Variants in GUCY2C observed in about 807,000 individuals in gnomAD.
GUCY2C encodes guanylate cyclase 2C.
In GUCY2C, 118 loss-of-function variants were observed where a neutral mutation model predicts 131.1. That is an observed-to-expected ratio of 0.90 (90% CI 0.78 to 1.05). The LOEUF (loss-of-function observed/expected upper bound fraction) is 1.05. Ranked by LOEUF, GUCY2C falls within the 50% of genes least tolerant of loss-of-function variation. GUCY2C has a pLI of 0.00. For missense variants in GUCY2C, 1,161 were observed against 1,304.4 expected, an observed-to-expected ratio of 0.89 and a Z score of 1.69; for synonymous variants, 452 against 457.8, an observed-to-expected ratio of 0.99 and a Z score of 0.16.
chr12:14,661,041 G>A lies in GUCY2C; in HGVS notation c.1304C>T (p.Ala435Val). Reference sequence around the variant, plus strand: ...CACAGCTCCAGTGAGGGTGAAGACTGCAATCATCAGGATCTGAGGGCCTGT... The same window carrying A: ...CACAGCTCCAGTGAGGGTGAAGACTACAATCATCAGGATCTGAGGGCCTGT... Reference protein sequence around the residue: ...TGRGPQILMIAVFTLTGAVVL... With the variant: ...TGRGPQILMIVVFTLTGAVVL... The change falls in exon 11 of 27, where the codon GCA (alanine) becomes GTA (valine). Residue 435 changes from alanine (A) to valine (V), a missense_variant. Ala to Val is a moderately conservative substitution (Grantham distance 64). Coordinates refer to ENST00000261170, the MANE Select transcript of GUCY2C (RefSeq NM_004963.4). The A allele has an allele frequency of 6.2e-7, 1 of 1,612,098 alleles. No individual in the cohort carries two copies. Among genetic ancestry groups the A allele is most frequent in the Non-Finnish European group, 8.5e-7 (1 of 1,178,170 alleles).
At chr12:14,629,272 A>T (rs1448587659) in intron 19 of GUCY2C, among the ~76,000 whole-genome samples, 3 of 152,108 alleles carry the variant, frequency 2.0e-5, no homozygotes, top group Non-Finnish European at 4.4e-5. Flanking sequence ...GGGGGTCTGA[A>T]GAAACTCCCC....
At chr12:14,663,067 C>T (rs929889896) in intron 10 of GUCY2C, among the ~76,000 whole-genome samples, 1 of 152,006 alleles carries the variant, frequency 6.6e-6, no homozygotes, top group African/African-American at 2.4e-5. Context: ...AGAGGGCTAG[C>T]GAAGATGAGC....
chr12:14,641,035 A>T, intron 18 of GUCY2C, 47 bp downstream of exon 18: 1 of 1,585,234 alleles, frequency 6.3e-7, no homozygotes, highest in Non-Finnish European at 8.6e-7. Context: ...CCTAGAAAGC[A>T]GGTTGGCTCA....
intron 1 of GUCY2C, among the ~76,000 whole-genome samples, chr12:14,692,510 C>G (rs953491951): frequency 1.3e-5 from 2 of 152,156 alleles, no homozygotes; most frequent in Non-Finnish European, 2.9e-5. Flanking sequence ...TATGTAGCCA[C>G]ATAAACATAA....
chr12:14,627,115 T>C (rs1169716158), intron 20 of GUCY2C, among the ~76,000 whole-genome samples: 3 of 152,122 alleles, frequency 2.0e-5, no homozygotes, highest in Non-Finnish European at 4.4e-5. Context: ...AGGAGACACA[T>C]TGAGTTCTCC....
chr12:14,664,279 C>G (rs1947925334), intron 10 of GUCY2C, among the ~76,000 whole-genome samples: 1 of 152,128 alleles, frequency 6.6e-6, no homozygotes, highest in Non-Finnish European at 1.5e-5. Flanking sequence ...TATTGCCACT[C>G]CCACCATTCT....
chr12:14,660,667 C>A (rs1199456064), intron 11 of GUCY2C, among the ~76,000 whole-genome samples: 1 of 152,154 alleles, frequency 6.6e-6, no homozygotes, highest in Admixed American at 6.5e-5. Flanking sequence ...CTAATCCTTA[C>A]AACAGCTCAG....
At chr12:14,643,443 T>G in intron 17 of GUCY2C, 131 bp downstream of exon 17, 16 of 726,398 alleles carry the variant, frequency 2.2e-5, no homozygotes, top group Non-Finnish European at 3.5e-5. Flanking sequence ...TTCTGGAGAA[T>G]GAGCCAGCTG....
At chr12:14,680,167 G>T (rs1274201434) in intron 5 of GUCY2C, among the ~76,000 whole-genome samples, 7 of 152,102 alleles carry the variant, frequency 4.6e-5, no homozygotes, top group Non-Finnish European at 5.9e-5. Flanking sequence ...GGTTGAAAAA[G>T]ATATTATAAA....
intron 19 of GUCY2C, among the ~76,000 whole-genome samples, chr12:14,635,458 A>G (rs1037815518): frequency 1.3e-5 from 2 of 152,214 alleles, no homozygotes; most frequent in African/African-American, 4.8e-5. Context: ...ATACAGCGAA[A>G]GTACTGCTAA....
At chr12:14,659,282 A>T (rs754359107) in intron 11 of GUCY2C, among the ~76,000 whole-genome samples, 46 of 152,052 alleles carry the variant, frequency 3.0e-4, no homozygotes, top group Non-Finnish European at 7.4e-5. Context: ...TGACCTCATG[A>T]TTCAGCCACC....
intron 26 of GUCY2C, 157 bp downstream of exon 26, chr12:14,614,710 T>G: frequency 1.7e-6 from 1 of 575,302 alleles, no homozygotes; most frequent in Non-Finnish European, 3.0e-6. Flanking sequence ...CTTCTTGCAG[T>G]CTAGGAAGGG....
chr12:14,691,111 A>C (rs545709191), intron 1 of GUCY2C, among the ~76,000 whole-genome samples: 23 of 152,360 alleles, frequency 1.5e-4, no homozygotes, highest in South Asian at 1.2e-3. Flanking sequence ...GTTCTTTCAA[A>C]GAATGGAGGA....
intron 17 of GUCY2C, among the ~76,000 whole-genome samples, chr12:14,642,062 A>T (rs1947416959): frequency 6.6e-6 from 1 of 152,218 alleles, no homozygotes; most frequent in African/African-American, 2.4e-5. Flanking sequence ...ACAGTACATT[A>T]AGACAAAGAG....
intron 2 of GUCY2C, among the ~76,000 whole-genome samples, chr12:14,686,599 G>T (rs1399865348): frequency 1.3e-5 from 2 of 152,138 alleles, no homozygotes; most frequent in Non-Finnish European, 2.9e-5. Context: ...GAGAGGGCAA[G>T]TTTCAGTTGT....
intron 11 of GUCY2C, 21 bp from the exon 12 acceptor site, chr12:14,656,638 G>T: frequency 8.5e-7 from 1 of 1,179,810 alleles, no homozygotes; most frequent in Non-Finnish European, 1.3e-6. Flanking sequence ...AATAAAACTG[G>T]TCAATAGGTT....
chr12:14,694,695 T>C (rs1422034033), intron 1 of GUCY2C, among the ~76,000 whole-genome samples: 1 of 152,204 alleles, frequency 6.6e-6, no homozygotes, highest in Non-Finnish European at 1.5e-5. Context: ...GTTTCAGAAT[T>C]GGAGAGATGT....
chr12:14,676,975 T>G lies in GUCY2C; in HGVS notation c.831-4A>C, dbSNP rs147841620. 2.0e-5 allele frequency: 23 copies of G among 1,133,744 alleles called. No individual in the cohort carries two copies. In the East Asian group the frequency reaches 5.4e-4, roughly 27 times the overall value. The allele number at this position is 1,133,744 out of a possible 1,614,324, so 70.2% of individuals were successfully genotyped here. A position where few individuals can be genotyped will look rare whatever the true frequency, so the allele number is the denominator to read the frequency against. ...ATTGTCCTCAAAGTACTGGTCACTG[T>G]AATAAAAAGCACAGGTTCCTCATGA... On this transcript the variant is annotated splice_region_variant and splice_polypyrimidine_tract_variant and intron_variant, in intron 6 of 26. Transcript: ENST00000261170.
In GUCY2C at chr12:14,686,215, C is replaced by A; in HGVS notation, c.341G>T (p.Arg114Leu). Residue 114 changes from arginine to leucine, a missense_variant, in exon 3 of 27, where the codon CGG becomes CTG. Coordinates refer to ENST00000261170, the MANE Select transcript of GUCY2C (RefSeq NM_004963.4). ...DLLRKISNAQ[R>L]MGCVLIGPSC... Reference sequence around the variant, plus strand: ...GGGCCCTATGAGGACACAGCCCATCCGTTGTGCATTCTGTAGGAGAGAAAA... The same window carrying A: ...GGGCCCTATGAGGACACAGCCCATCAGTTGTGCATTCTGTAGGAGAGAAAA... 6.2e-7 allele frequency: 1 copy of A among 1,605,246 alleles called. No homozygotes were observed. Among genetic ancestry groups the A allele is most frequent in the East Asian group, 2.2e-5 (1 of 44,818 alleles).
Sources: gnomAD v4.1 joint callset for allele counts (sites outside exome capture counted in the v4.1 genomes callset) on GRCh38, gnomAD v4.1.1 for gene constraint, MANE v1.5 for transcripts, NCBI Gene and HGNC (gene_info 2026-07-23, HGNC 2026-07-21) for gene names.